Variants in DCBLD1 observed in about 807,000 individuals in gnomAD.
DCBLD1 encodes discoidin, CUB and LCCL domain-containing protein 1.
A neutral mutation model predicts 71.5 loss-of-function variants in DCBLD1; 57 were observed. That is an observed-to-expected ratio of 0.80 (90% CI 0.64 to 0.99). The LOEUF (loss-of-function observed/expected upper bound fraction) is 0.99, where lower values mean the gene tolerates loss of function less well. Ranked by LOEUF, DCBLD1 falls within the 50% of genes least tolerant of loss-of-function variation. The pLI is 0.00. For synonymous variants in DCBLD1, 380 were observed against 363.8 expected, an observed-to-expected ratio of 1.04 and a Z score of -0.51; for missense variants, 891 against 923.5, an observed-to-expected ratio of 0.96 and a Z score of 0.46.
At position 117,547,182 on chromosome 6, in the gene DCBLD1, C is replaced by T. The variant is rs1211813134; in HGVS notation, c.1616-725C>T. 2.6e-5 allele frequency among the ~76,000 whole-genome samples: 4 copies of T among 152,192 alleles called. No individual in the cohort carries two copies. The East Asian group carries it at 5.8e-4, about 22-fold the overall frequency. ...GTCTTTCGTTTCCCATAGAATTAAA[C>T]CAGACTTCCTAGCAAGACAATCAAT... On this transcript the variant is annotated intron_variant, in intron 14 of 14. Transcript: ENST00000338728.
At chr6:117,520,804 C>T (rs1177227383) in intron 3 of DCBLD1, among the ~76,000 whole-genome samples, 8 of 152,180 alleles carry the variant, frequency 5.3e-5, no homozygotes, top group Admixed American at 6.5e-5. Context: ...GAGTGAGGTG[C>T]GCCATTCATT....
At chr6:117,522,271 C>T (rs1178797909) in intron 4 of DCBLD1, among the ~76,000 whole-genome samples, 2 of 152,140 alleles carry the variant, frequency 1.3e-5, no homozygotes, top group Non-Finnish European at 2.9e-5. Context: ...TCCTGTGCGT[C>T]GTTAGATACT....
intron 7 of DCBLD1, 30 bp downstream of exon 7, chr6:117,537,255 A>G (rs747765942): frequency 3.7e-6 from 6 of 1,611,556 alleles, no homozygotes; most frequent in South Asian, 1.1e-5. Flanking sequence ...TAAGAATTTG[A>G]TATTTTCGGT....
intron 14 of DCBLD1, among the ~76,000 whole-genome samples, chr6:117,547,319 G>A (rs550079755): frequency 6.6e-6 from 1 of 152,186 alleles, no homozygotes; most frequent in African/African-American, 2.4e-5. Context: ...TCTCTGCCTT[G>A]GTTTCCCATT....
intron 14 of DCBLD1, among the ~76,000 whole-genome samples, chr6:117,557,750 G>A (rs1438129799): frequency 3.3e-5 from 5 of 152,110 alleles, no homozygotes; most frequent in East Asian, 1.9e-4. Flanking sequence ...GGCAACAAGA[G>A]TGAAACTCCG....
chr6:117,566,521 A>T (rs774532051), intron 14 of DCBLD1, among the ~76,000 whole-genome samples: 4 of 152,200 alleles, frequency 2.6e-5, no homozygotes, highest in Non-Finnish European at 5.9e-5. Context: ...ATCAAGACAG[A>T]CAGACAATGT....
intron 6 of DCBLD1, among the ~76,000 whole-genome samples, chr6:117,533,259 G>A (rs1778782943): frequency 6.6e-6 from 1 of 152,156 alleles, no homozygotes; most frequent in Non-Finnish European, 1.5e-5. Flanking sequence ...AGGCGTTTTG[G>A]GATCCAGAAG....
chr6:117,499,983 A>C (rs191860415), intron 1 of DCBLD1, among the ~76,000 whole-genome samples: 1 of 152,228 alleles, frequency 6.6e-6, no homozygotes, highest in Non-Finnish European at 1.5e-5. Context: ...GCACCACTGC[A>C]CTCCAGCCTA....
At chr6:117,511,372 A>G (rs936267282) in intron 2 of DCBLD1, among the ~76,000 whole-genome samples, 1 of 152,226 alleles carries the variant, frequency 6.6e-6, no homozygotes, top group Non-Finnish European at 1.5e-5. Flanking sequence ...GAAACTCTTT[A>G]CTATAGGATC....
At chr6:117,483,701 C>CT (rs71717606) in intron 1 of DCBLD1, among the ~76,000 whole-genome samples, 37,165 of 146,516 alleles carry the variant, frequency 0.25, 5,357 homozygotes, top group African/African-American at 0.41. Context: ...TTAATTAGTG[C>CT]TTTTTTTTTT....
intron 11 of DCBLD1, among the ~76,000 whole-genome samples, chr6:117,542,535 T>A (rs1779132228): frequency 6.6e-6 from 1 of 152,186 alleles, no homozygotes; most frequent in South Asian, 2.1e-4. Flanking sequence ...GTGTCCTTTT[T>A]TTAGAGCAGA....
intron 5 of DCBLD1, among the ~76,000 whole-genome samples, chr6:117,526,526 A>C (rs977453847): frequency 1.1e-4 from 17 of 152,202 alleles, no homozygotes; most frequent in Admixed American, 1.1e-3. Flanking sequence ...TTTTTTCTTA[A>C]TGTAGATATT....
At position 117,549,633 on chromosome 6, in the gene DCBLD1, G is replaced by T; in HGVS notation, c.*1194G>T. The T allele has an allele frequency of 1.0e-6, 1 of 985,302 alleles. No individual in the cohort carries two copies. The highest frequency in any genetic ancestry group is 1.2e-6 in the Non-Finnish European group (1 of 829,916). The allele number at this position is 985,302 out of a possible 1,614,324, so 61.0% of individuals were successfully genotyped here. ...TGAAGAATGTATTATAACCCTATTTGTGTGGTTATTACATCCTGTGAAATG... is the reference window on the plus strand; with the variant it reads ...TGAAGAATGTATTATAACCCTATTTTTGTGGTTATTACATCCTGTGAAATG... On this transcript the variant is annotated 3_prime_UTR_variant, in exon 15 of 15. Transcript: ENST00000338728.
At chr6:117,483,322 G>C (rs904916445) in intron 1 of DCBLD1, among the ~76,000 whole-genome samples, 2 of 152,208 alleles carry the variant, frequency 1.3e-5, no homozygotes, top group Non-Finnish European at 2.9e-5. Flanking sequence ...GCCGCTCCTC[G>C]GCCGGCGCTG....
At chr6:117,495,826 C>T (rs1420063336) in intron 1 of DCBLD1, among the ~76,000 whole-genome samples, 1 of 152,084 alleles carries the variant, frequency 6.6e-6, no homozygotes, top group Admixed American at 6.5e-5. Flanking sequence ...AGATTTTTTT[C>T]CTTTGGCAGC....
Position 117,548,363 on chromosome 6 carries a change from G to T in DCBLD1, c.2072G>T (p.Gly691Val). The change falls in exon 15 of 15, where the codon GGG (glycine) becomes GTG (valine). Residue 691 changes from glycine (G) to valine (V), a missense_variant. Transcript: ENST00000338728. ...PDSQKPPTHP[G>V]TSDSYSAPRD... ...TCTCAGAAGCCCCCAACGCATCCCG[G>T]GACGAGTGACAGCTATTCTGCCCCC... 2 of 1,550,688 alleles carry T rather than the reference G, an allele frequency of 1.3e-6. No homozygotes were observed. The highest frequency in any genetic ancestry group is 2.4e-5 in the South Asian group (2 of 84,056).
At chr6:117,491,996 G>A (rs962203288) in intron 1 of DCBLD1, among the ~76,000 whole-genome samples, 7 of 152,206 alleles carry the variant, frequency 4.6e-5, no homozygotes, top group African/African-American at 1.7e-4. Flanking sequence ...GGACGCATAT[G>A]TTATTATTGT....
intron 14 of DCBLD1, among the ~76,000 whole-genome samples, chr6:117,546,890 G>A (rs1234549612): frequency 3.3e-5 from 5 of 152,132 alleles, no homozygotes; most frequent in African/African-American, 7.2e-5. Flanking sequence ...CGAATCCATT[G>A]TTCCTAACCC....
Position 117,503,774 on chromosome 6 carries a change from C to T in DCBLD1, c.120C>T (p.Gly40=). ...CTTCTTTTTCTTTACCAGGTGATGG[C>T]TGTGGACACCTAGTGACTTATCAGG... ...LRLQAEELGD[G]CGHLVTYQDS... Residue 40 remains glycine, a synonymous_variant, in exon 2 of 15, where the codon GGC becomes GGT. Coordinates refer to ENST00000338728, the MANE Select transcript of DCBLD1 (RefSeq NM_001366458.2). 1 of 1,614,016 alleles carries T rather than the reference C, an allele frequency of 6.2e-7. No homozygotes were observed. Among genetic ancestry groups the T allele is most frequent in the Non-Finnish European group, 8.5e-7 (1 of 1,179,952 alleles).
Sources: gnomAD v4.1 joint callset for allele counts (sites outside exome capture counted in the v4.1 genomes callset) on GRCh38, gnomAD v4.1.1 for gene constraint, MANE v1.5 for transcripts, NCBI Gene and HGNC (gene_info 2026-07-23, HGNC 2026-07-21) for gene names.